Variants in PIP5K1C observed in about 807,000 individuals in gnomAD.
The protein encoded by PIP5K1C is phosphatidylinositol 4-phosphate 5-kinase type-1 gamma.
PIP5K1C carries 45 observed loss-of-function variants against 80.1 expected under a neutral mutation model. That is an observed-to-expected ratio of 0.56 (90% CI 0.44 to 0.72). The LOEUF (loss-of-function observed/expected upper bound fraction) is 0.72. Among genes scored for constraint, PIP5K1C ranks in the 30% least tolerant of loss-of-function variants. PIP5K1C has a pLI of 0.00. For synonymous variants in PIP5K1C, 498 were observed against 420.1 expected, an observed-to-expected ratio of 1.19 and a Z score of -2.27; for missense variants, 753 against 954.6, an observed-to-expected ratio of 0.79 and a Z score of 2.78.
At chr19:3,698,759 C>A (rs2036202292) in intron 1 of PIP5K1C, among the ~76,000 whole-genome samples, 1 of 152,210 alleles carries the variant, frequency 6.6e-6, no homozygotes, top group South Asian at 2.1e-4. Flanking sequence ...GTGGCCCAGC[C>A]AGGCACAACC....
At chr19:3,665,218 G>A (rs554821528) in intron 2 of PIP5K1C, among the ~76,000 whole-genome samples, 17 of 152,280 alleles carry the variant, frequency 1.1e-4, no homozygotes, top group African/African-American at 3.9e-4. Context: ...CTAATTCCAG[G>A]GTCTCCCCCA....
chr19:3,644,094 C>T lies in PIP5K1C; in HGVS notation c.1503G>A (p.Glu501=), dbSNP rs370989236. Reference sequence around the variant, plus strand: ...CTGCCCTCTGCCCCTCACCTTCGTCCTCCAGCGTGGGGTAGCTGCGGGCCC... The same window carrying T: ...CTGCCCTCTGCCCCTCACCTTCGTCTTCCAGCGTGGGGTAGCTGCGGGCCC... The part of the protein sequence containing the change: ...LRGARSYPTL[E]DEGRPDLLPC... The change falls in exon 12 of 18, where the codon GAG becomes GAA. Residue 501 remains glutamate (E), a synonymous_variant. Transcript: ENST00000335312. 1.9e-4 allele frequency: 303 copies of T among 1,611,020 alleles called. No individual in the cohort carries two copies. The highest frequency in any genetic ancestry group is 2.5e-4 in the Non-Finnish European group (293 of 1,179,814).
In PIP5K1C at chr19:3,645,396, T is replaced by C. The variant is rs571708984; in HGVS notation, c.1345+578A>G. ...AGGGGCCTGGAACCCAGAGTCTGCG[T>C]CCAGATGCTACAGTGGCCCATGAGG... On this transcript the variant is annotated intron_variant, in intron 11 of 17. Transcript: ENST00000335312. Among the ~76,000 whole-genome samples, 3 of 152,280 alleles carry C rather than the reference T, an allele frequency of 2.0e-5. No individual in the cohort carries two copies. The South Asian group carries it at 6.2e-4, about 32-fold the overall frequency.
chr19:3,671,134 T>A (rs969817302), intron 1 of PIP5K1C, among the ~76,000 whole-genome samples: 4 of 151,966 alleles, frequency 2.6e-5, no homozygotes, highest in African/African-American at 9.7e-5. Flanking sequence ...GGCCCGGGCG[T>A]CCCCCTGCTC....
At chr19:3,691,402 C>T (rs2035945915) in intron 1 of PIP5K1C, among the ~76,000 whole-genome samples, 1 of 152,154 alleles carries the variant, frequency 6.6e-6, no homozygotes, top group Non-Finnish European at 1.5e-5. Context: ...GGCCCGCCTG[C>T]GAGCACACTG....
At position 3,633,486 on chromosome 19, in the gene PIP5K1C, A is replaced by C; in HGVS notation, c.1955T>G (p.Leu652Arg). Residue 652 changes from leucine to arginine, a missense_variant, in exon 17 of 18, where the codon CTC (leucine) becomes CGC (arginine). Leu to Arg is a moderately radical substitution (Grantham distance 102). This residue lies in a region of PIP5K1C where 315 missense variants were observed against 294.5 expected (regional missense o/e 1.07). Coordinates refer to ENST00000335312, the MANE Select transcript of PIP5K1C (RefSeq NM_012398.3). The part of the protein sequence containing the change: ...TDERSWVYSP[L>R]HYSAQAPPAS... ...CGGGGGGGCCTGGGCGCTATAGTGG[A>C]GCGGGGAGTACACCCAGCTCCTCTC... The C allele has an allele frequency of 1.3e-6, 2 of 1,505,872 alleles. No individual in the cohort carries two copies. 93.3% of individuals were successfully genotyped at this position (1,505,872 alleles called of 1,614,324 possible).
intron 8 of PIP5K1C, among the ~76,000 whole-genome samples, chr19:3,650,536 A>T (rs1170994787): frequency 1.3e-5 from 2 of 152,210 alleles, no homozygotes; most frequent in Non-Finnish European, 2.9e-5. Context: ...GACGCTGCTC[A>T]GCACCCTGCA....
chr19:3,662,966 A>G (rs914767180), intron 3 of PIP5K1C, among the ~76,000 whole-genome samples: 15 of 152,008 alleles, frequency 9.9e-5, no homozygotes, highest in Non-Finnish European at 2.2e-4. Flanking sequence ...GGTTCAAGCT[A>G]TTCTCCCGCC....
intron 1 of PIP5K1C, among the ~76,000 whole-genome samples, chr19:3,685,646 C>A (rs1000431643): frequency 6.6e-6 from 1 of 151,538 alleles, no homozygotes; most frequent in Non-Finnish European, 1.5e-5. Context: ...AGGAGAATGG[C>A]GTGAACCCGG....
intron 1 of PIP5K1C, among the ~76,000 whole-genome samples, chr19:3,679,316 G>A (rs756729469): frequency 3.3e-5 from 5 of 152,158 alleles, no homozygotes; most frequent in African/African-American, 4.8e-5. Flanking sequence ...CCTTTGAGGG[G>A]CATGTTCCTG....
chr19:3,645,910 TG>T, intron 11 of PIP5K1C, 63 bp downstream of exon 11: 2 of 1,298,504 alleles, frequency 1.5e-6, no homozygotes, highest in Non-Finnish European at 2.2e-6. Flanking sequence ...GAGTCCCTCC[TG>T]CCCCACGGCG....
chr19:3,667,530 T>A (rs1005153869), intron 1 of PIP5K1C, among the ~76,000 whole-genome samples, 177 bp from the exon 2 acceptor site: 1 of 152,138 alleles, frequency 6.6e-6, no homozygotes, highest in Non-Finnish European at 1.5e-5. Flanking sequence ...GAGGATGTGA[T>A]GAGGGTGGGG....
rs1415198011 is a variant in PIP5K1C at position 3,633,506 on chromosome 19, C to T, written c.1935G>A (p.Arg645=). 7 of 1,496,026 alleles carry T rather than the reference C, an allele frequency of 4.7e-6. No individual in the cohort carries two copies. The highest frequency in any genetic ancestry group is 6.3e-6 in the Non-Finnish European group (7 of 1,117,994). The allele number at this position is 1,496,026 out of a possible 1,614,324, so 92.7% of individuals were successfully genotyped here. ...ATDIYFPTDE[R]SWVYSPLHYS... ...AGTGGAGCGGGGAGTACACCCAGCT[C>T]CTCTCATCGGTGGGCTGGCAGGTGG... Residue 645 remains arginine (R), a synonymous_variant, in exon 17 of 18, where the codon AGG becomes AGA. Transcript: ENST00000335312.
intron 14 of PIP5K1C, among the ~76,000 whole-genome samples, chr19:3,642,427 G>T (rs2034002033): frequency 6.6e-6 from 1 of 152,196 alleles, no homozygotes; most frequent in Non-Finnish European, 1.5e-5. Flanking sequence ...CCACCCCTGA[G>T]ATCCCCGTCA....
intron 14 of PIP5K1C, among the ~76,000 whole-genome samples, chr19:3,642,371 A>G (rs796758583): frequency 9.8e-5 from 15 of 152,356 alleles, no homozygotes; most frequent in African/African-American, 3.6e-4. Flanking sequence ...GGTGCAGTCC[A>G]TGGGATGGAA....
In PIP5K1C at chr19:3,638,917, G is replaced by C. The variant is rs759375994; in HGVS notation, c.1887C>G (p.Asp629Glu). 2.1e-5 allele frequency: 34 copies of C among 1,612,748 alleles called. No homozygotes were observed. The highest frequency in any genetic ancestry group is 3.3e-5 in the Admixed American group (2 of 60,004). Residue 629 changes from aspartate (D) to glutamate (E), a missense_variant, in exon 16 of 18, where the codon GAC becomes GAG. Physicochemically the swap from Asp to Glu is conservative, Grantham distance 45. Around this residue, in one of 6 missense-constraint regions of PIP5K1C, gnomAD observed 315 missense variants for 294.5 expected, o/e 1.07. Transcript: ENST00000335312. ...TGTCGGTGGCGGGCGCGTCCTCCTC[G>C]TCCGAGGCCTGGCTGGCAGGTGCGC... ...EEGAPASQAS[D>E]EEDAPATDIY...
In PIP5K1C at chr19:3,676,194, A is replaced by G. The variant is rs562557752; in HGVS notation, c.95-8841T>C. ...CCATACAGGCCTGGCATGGTAGGCAATGGGGTCCCTGTTTGGGGACAGGCA... is the reference window on the plus strand; with the variant it reads ...CCATACAGGCCTGGCATGGTAGGCAGTGGGGTCCCTGTTTGGGGACAGGCA... On this transcript the variant is annotated intron_variant, in intron 1 of 17. Coordinates refer to ENST00000335312, the MANE Select transcript of PIP5K1C (RefSeq NM_012398.3). Among the ~76,000 whole-genome samples, 147 of 152,266 alleles carry G rather than the reference A, an allele frequency of 9.7e-4. 1 individual carries two copies. Among genetic ancestry groups the G allele is most frequent in the African/African-American group, 3.5e-3 (146 of 41,562 alleles).
Position 3,632,613 on chromosome 19 carries a change from T to G in PIP5K1C, c.*554A>C, listed in dbSNP as rs1201840995. 1 of 152,798 alleles carries G rather than the reference T, an allele frequency of 6.5e-6. No individual in the cohort carries two copies. Among genetic ancestry groups the G allele is most frequent in the Non-Finnish European group, 1.5e-5 (1 of 68,494 alleles). 9.5% of individuals were successfully genotyped at this position (152,798 alleles called of 1,614,324 possible). The stretch of plus-strand genomic sequence containing the variant: ...CCCCACAGTCGATGTTCAGGCCAGA[T>G]GTCCTGCACTGAGGCCCCCAAACCC... On this transcript the variant is annotated 3_prime_UTR_variant, in exon 18 of 18. Coordinates refer to ENST00000335312, the MANE Select transcript of PIP5K1C (RefSeq NM_012398.3).
intron 1 of PIP5K1C, among the ~76,000 whole-genome samples, chr19:3,689,828 C>T (rs1334707037): frequency 6.6e-6 from 1 of 152,038 alleles, no homozygotes; most frequent in African/African-American, 2.4e-5. Flanking sequence ...AACTTGCACA[C>T]ACTAACGTAC....
Sources: allele counts gnomAD v4.1 joint callset (sites outside exome capture counted in the v4.1 genomes callset), GRCh38; gene constraint gnomAD v4.1.1; regional missense constraint gnomAD v4.1.1; transcripts MANE v1.5; gene names NCBI Gene and HGNC (gene_info 2026-07-23, HGNC 2026-07-21).